Variants in SGCZ observed in about 807,000 individuals in gnomAD.
SGCZ encodes zeta-sarcoglycan.
SGCZ carries 40 observed loss-of-function variants against 41.3 expected under a neutral mutation model. That is an observed-to-expected ratio of 0.97 (90% CI 0.75 to 1.26). The LOEUF is 1.26. SGCZ is among the 50% of genes most tolerant of loss of function. SGCZ has a pLI of 0.00. For missense variants in SGCZ, 552 were observed against 369.8 expected (o/e 1.49, Z -4.04); for synonymous variants, 206 against 137.5 (o/e 1.50, Z -3.49).
intron 1 of SGCZ, among the ~76,000 whole-genome samples, chr8:14,949,429 G>A (rs1171748805): frequency 6.6e-6 from 1 of 152,080 alleles, no homozygotes; most frequent in Admixed American, 6.6e-5. Flanking sequence ...TCTATGGACA[G>A]GAGAAAAAGT....
chr8:14,240,968 A>T (rs1798861641), intron 3 of SGCZ, among the ~76,000 whole-genome samples: 1 of 152,184 alleles, frequency 6.6e-6, no homozygotes, highest in South Asian at 2.1e-4. Context: ...TCTGATCTCA[A>T]ATATATGTTT....
intron 1 of SGCZ, among the ~76,000 whole-genome samples, chr8:15,205,057 T>C (rs1801017321): frequency 6.6e-6 from 1 of 152,144 alleles, no homozygotes; most frequent in South Asian, 2.1e-4. Flanking sequence ...AAAGTTCAAG[T>C]TAACAGTGAA....
chr8:14,153,352 G>C (rs1803768194), intron 5 of SGCZ, among the ~76,000 whole-genome samples: 1 of 152,096 alleles, frequency 6.6e-6, no homozygotes, highest in South Asian at 2.1e-4. Context: ...TCTTCCAGGG[G>C]AAAGTTTTGA....
At chr8:14,292,308 C>G (rs1350567542) in intron 3 of SGCZ, among the ~76,000 whole-genome samples, 1 of 151,940 alleles carries the variant, frequency 6.6e-6, no homozygotes, top group African/African-American at 2.4e-5. Context: ...ATGAGAGTAG[C>G]TACTCAATTA....
At chr8:14,516,325 T>C (rs946654608) in intron 2 of SGCZ, among the ~76,000 whole-genome samples, 3 of 152,002 alleles carry the variant, frequency 2.0e-5, no homozygotes, top group African/African-American at 7.2e-5. Context: ...GGAGGACCTG[T>C]GTCTGTTGTT....
intron 1 of SGCZ, among the ~76,000 whole-genome samples, chr8:15,165,222 G>C (rs1400523477): frequency 2.6e-5 from 4 of 152,140 alleles, no homozygotes; most frequent in Admixed American, 1.3e-4. Flanking sequence ...GGGAGGCAGA[G>C]GTTGCAGTGA....
chr8:14,476,877 G>A (rs1015436174), intron 2 of SGCZ, among the ~76,000 whole-genome samples: 2 of 152,080 alleles, frequency 1.3e-5, no homozygotes, highest in Non-Finnish European at 2.9e-5. Flanking sequence ...TACACTTTCA[G>A]AAAGAGACAG....
intron 1 of SGCZ, among the ~76,000 whole-genome samples, chr8:15,087,071 G>A (rs1805975941): frequency 6.6e-6 from 1 of 152,058 alleles, no homozygotes; most frequent in African/African-American, 2.4e-5. Flanking sequence ...TGCCATGACT[G>A]TAGAATTAAG....
At chr8:15,184,507 CCTT>C (rs954609792) in intron 1 of SGCZ, among the ~76,000 whole-genome samples, 169 of 150,240 alleles carry the variant, frequency 1.1e-3, no homozygotes, top group Non-Finnish European at 2.0e-3. Flanking sequence ...TGCATTTTCT[CCTT>C]TTTTTTTTCT....
intron 4 of SGCZ, among the ~76,000 whole-genome samples, chr8:14,165,767 C>A (rs1158556229): frequency 6.6e-6 from 1 of 151,960 alleles, no homozygotes; most frequent in African/African-American, 2.4e-5. Context: ...TATATGACAC[C>A]CAGGAGCTCA....
intron 2 of SGCZ, among the ~76,000 whole-genome samples, chr8:14,375,409 T>C (rs991743252): frequency 6.6e-6 from 1 of 152,204 alleles, no homozygotes; most frequent in Non-Finnish European, 1.5e-5. Context: ...CTAAATCCCA[T>C]GATCAAGAAC....
chr8:14,862,024 A>T (rs906864563), intron 1 of SGCZ, among the ~76,000 whole-genome samples: 2 of 152,160 alleles, frequency 1.3e-5, no homozygotes, highest in African/African-American at 4.8e-5. Flanking sequence ...TGGAAAAAAA[A>T]AATAGTCTGT....
intron 1 of SGCZ, among the ~76,000 whole-genome samples, chr8:14,607,013 G>C (rs758873854): frequency 6.6e-6 from 1 of 152,062 alleles, no homozygotes; most frequent in Non-Finnish European, 1.5e-5. Context: ...CATATAATCA[G>C]GCAGCATACT....
chr8:14,516,179 G>A (rs983254106), intron 2 of SGCZ, among the ~76,000 whole-genome samples: 1 of 151,594 alleles, frequency 6.6e-6, no homozygotes, highest in Non-Finnish European at 1.5e-5. Flanking sequence ...GAGGGTACAT[G>A]TGAAGGTTTG....
chr8:14,894,115 C>T (rs1053698806), intron 1 of SGCZ, among the ~76,000 whole-genome samples: 1 of 152,050 alleles, frequency 6.6e-6, no homozygotes, highest in Non-Finnish European at 1.5e-5. Context: ...TAATTAATGA[C>T]ATGCATCTGA....
chr8:15,058,782 A>G (rs80043638), intron 1 of SGCZ, among the ~76,000 whole-genome samples: 2,406 of 152,282 alleles, frequency 0.016, 51 homozygotes, highest in African/African-American at 0.053. Flanking sequence ...AAAGTTCATC[A>G]TACAGGTTAT....
chr8:15,107,076 A>G (rs1806857358), intron 1 of SGCZ, among the ~76,000 whole-genome samples: 1 of 152,098 alleles, frequency 6.6e-6, no homozygotes, highest in Non-Finnish European at 1.5e-5. Context: ...TAATCAGGGT[A>G]TATTATTTGT....
chr8:15,001,291 C>T (rs1802410214), intron 1 of SGCZ, among the ~76,000 whole-genome samples: 1 of 152,206 alleles, frequency 6.6e-6, no homozygotes, highest in African/African-American at 2.4e-5. Context: ...CAAACTTCAG[C>T]CCTTAGACTC....
In SGCZ at chr8:14,995,386, C is replaced by G. The variant is rs190753547; in HGVS notation, c.39+242199G>C. Among the ~76,000 whole-genome samples, 7 of 152,250 alleles carry G rather than the reference C, an allele frequency of 4.6e-5. No homozygotes were observed. In the East Asian group the frequency reaches 1.4e-3, roughly 29 times the overall value. On this transcript the variant is annotated intron_variant, in intron 1 of 7. Coordinates refer to ENST00000382080, the MANE Select transcript of SGCZ (RefSeq NM_139167.4). ...AAACTCCATTAATGGTTGGTTAGGT[C>G]TTGGGAGACGATTAATAGGGATGGG...
Sources: allele counts gnomAD v4.1 joint callset (sites outside exome capture counted in the v4.1 genomes callset), GRCh38; gene constraint gnomAD v4.1.1; transcripts MANE v1.5; gene names NCBI Gene and HGNC (gene_info 2026-07-23, HGNC 2026-07-21).